HSD17B12: variants seen among roughly 807,000 people sequenced by gnomAD.
HSD17B12 encodes the protein very-long-chain 3-oxoacyl-CoA reductase.
Under a neutral mutation model 39.3 loss-of-function variants are expected in HSD17B12, and 32 were observed. The ratio of observed to expected loss-of-function variants is 0.81; its 90% confidence interval spans 0.61 to 1.09. HSD17B12 has a LOEUF of 1.09. HSD17B12 is among the 50% of genes least tolerant of loss of function. HSD17B12 has a pLI of 0.00. For missense variants in HSD17B12, 342 were observed against 382.9 expected, an observed-to-expected ratio of 0.89 and a Z score of 0.89; for synonymous variants, 150 against 146.7, an observed-to-expected ratio of 1.02 and a Z score of -0.16.
chr11:43,629,109 A>G, the HSD17B12 span, among the ~76,000 whole-genome samples: 1 of 152,110 alleles, frequency 6.6e-6, no homozygotes, highest in Non-Finnish European at 1.5e-5. Context: ...TGATTTCCCC[A>G]GGTGCATTTT....
intron 6 of HSD17B12, among the ~76,000 whole-genome samples, chr11:43,824,350 A>G (rs1474073252): frequency 6.6e-6 from 1 of 152,224 alleles, no homozygotes; most frequent in Non-Finnish European, 1.5e-5. Context: ...AATGACATCG[A>G]CTAAATTAAT....
chr11:43,747,600 A>G (rs1950423622), intron 1 of HSD17B12, among the ~76,000 whole-genome samples: 1 of 152,210 alleles, frequency 6.6e-6, no homozygotes, highest in African/African-American at 2.4e-5. Context: ...AAGGAGAAAG[A>G]CACTCCTTTG....
At chr11:43,783,331 G>A (rs61883810) in intron 3 of HSD17B12, among the ~76,000 whole-genome samples, 7,465 of 151,400 alleles carry the variant, frequency 0.049, 210 homozygotes, top group Non-Finnish European at 0.054. Context: ...TACTAAGGCA[G>A]CATTCTCAAA....
chr11:43,762,271 T>C (rs1419586246), intron 3 of HSD17B12, among the ~76,000 whole-genome samples: 3 of 152,356 alleles, frequency 2.0e-5, no homozygotes, highest in African/African-American at 7.2e-5. Flanking sequence ...GCAGCATGCT[T>C]TTACAAAATG....
intron 1 of HSD17B12, among the ~76,000 whole-genome samples, chr11:43,727,897 G>T (rs921634704): frequency 1.3e-5 from 2 of 152,106 alleles, no homozygotes; most frequent in Non-Finnish European, 2.9e-5. Flanking sequence ...TCCAGAGATG[G>T]TAGAGTAGGT....
At chr11:43,631,553 G>GTGTCTCTCTCTCTCTGCC in the HSD17B12 span, among the ~76,000 whole-genome samples, 2 of 151,828 alleles carry the variant, frequency 1.3e-5, no homozygotes, top group African/African-American at 4.8e-5. Context: ...GTGTGTGTGT[G>GTGTCTCTCTCTCTCTGCC]TGTCTCTCTC....
intron 1 of HSD17B12, among the ~76,000 whole-genome samples, chr11:43,730,047 T>TG (rs201501572): frequency 6.8e-4 from 102 of 149,816 alleles, no homozygotes; most frequent in East Asian, 1.6e-3. Flanking sequence ...TGTGTGTGTG[T>TG]TTTTTTTTTA....
the HSD17B12 span, chr11:43,584,748 TTGA>T: frequency 6.6e-6 from 1 of 152,216 alleles, no homozygotes; most frequent in African/African-American, 2.4e-5. Flanking sequence ...TACTTCCCAC[TTGA>T]TGATGAGATA....
chr11:43,559,378 A>G, the HSD17B12 span, among the ~76,000 whole-genome samples: 17 of 152,152 alleles, frequency 1.1e-4, no homozygotes, highest in African/African-American at 4.1e-4. Context: ...CCTAAAAAGT[A>G]TTTCATGTCC....
intron 3 of HSD17B12, among the ~76,000 whole-genome samples, chr11:43,794,650 C>T (rs6485462): frequency 0.64 from 96,909 of 152,048 alleles, 31,316 homozygotes; most frequent in East Asian, 0.7. Context: ...GAGGATGCTA[C>T]GGAAAGAGCG....
the HSD17B12 span, among the ~76,000 whole-genome samples, chr11:43,590,358 A>G: frequency 6.8e-6 from 1 of 147,520 alleles, no homozygotes; most frequent in African/African-American, 2.5e-5. Context: ...AAATTTTAAT[A>G]CCTCAACTGG....
At chr11:43,675,036 A>G in the HSD17B12 span, among the ~76,000 whole-genome samples, 1 of 152,298 alleles carries the variant, frequency 6.6e-6, no homozygotes, top group South Asian at 2.1e-4. Context: ...TTCATCACCC[A>G]TTCAACAGGT....
chr11:43,657,244 C>A, the HSD17B12 span, among the ~76,000 whole-genome samples: 2 of 151,842 alleles, frequency 1.3e-5, no homozygotes, highest in African/African-American at 4.8e-5. Context: ...TTTTGTTTTC[C>A]ATTTACTTGG....
At chr11:43,653,727 A>T in the HSD17B12 span, among the ~76,000 whole-genome samples, 1 of 152,176 alleles carries the variant, frequency 6.6e-6, no homozygotes, top group Non-Finnish European at 1.5e-5. Flanking sequence ...AAAGGACATG[A>T]ACTCATCATT....
the HSD17B12 span, among the ~76,000 whole-genome samples, chr11:43,558,188 A>G: frequency 2.0e-5 from 3 of 152,140 alleles, no homozygotes; most frequent in African/African-American, 7.2e-5. Context: ...TTTGTTAGGA[A>G]GGAGCTTGGG....
intron 1 of HSD17B12, among the ~76,000 whole-genome samples, chr11:43,708,981 A>C (rs530206909): frequency 6.6e-6 from 1 of 152,324 alleles, no homozygotes; most frequent in South Asian, 2.1e-4. Context: ...TGTGCCCTCC[A>C]GTGGAGAAAA....
intron 3 of HSD17B12, among the ~76,000 whole-genome samples, chr11:43,774,870 A>C (rs778940156): frequency 5.8e-4 from 89 of 152,160 alleles, no homozygotes; most frequent in Non-Finnish European, 9.0e-4. Flanking sequence ...TGTGAGCATC[A>C]TGGATGCCAT....
rs1010375468 is a variant in HSD17B12 at position 43,769,237 on chromosome 11, T to G, written c.283+15116T>G. ...TTATAGGCGTGAGCCACTGCCTCAC[T>G]GCCTTAAATATGCTGGCCCCTACTG... On this transcript the variant is annotated intron_variant, in intron 3 of 10. Coordinates refer to ENST00000278353, the MANE Select transcript of HSD17B12 (RefSeq NM_016142.3). 2.0e-5 allele frequency among the ~76,000 whole-genome samples: 3 copies of G among 152,372 alleles called. No homozygotes were observed. The South Asian group carries it at 6.2e-4, about 32-fold the overall frequency.
At chr11:43,604,377 G>T in the HSD17B12 span, among the ~76,000 whole-genome samples, 1 of 152,170 alleles carries the variant, frequency 6.6e-6, no homozygotes, top group East Asian at 1.9e-4. Flanking sequence ...ACTAGCATTA[G>T]TGGGTTTATA....
Sources: allele counts gnomAD v4.1 joint callset (sites outside exome capture counted in the v4.1 genomes callset), GRCh38; gene constraint gnomAD v4.1.1; transcripts MANE v1.5; gene names NCBI Gene and HGNC (gene_info 2026-07-23, HGNC 2026-07-21).